Variants in LOC400499 observed in about 807,000 individuals in gnomAD.
At chr16:11,472,178 C>G in the LOC400499 span, 1 of 188,382 alleles carries the variant, frequency 5.3e-6, no homozygotes, top group Admixed American at 6.2e-5. Context: ...AGCTGAGAAC[C>G]CCTGGTAGAC....
At chr16:11,515,482 C>A in the LOC400499 span, among the ~76,000 whole-genome samples, 1 of 144,494 alleles carries the variant, frequency 6.9e-6, no homozygotes, top group Non-Finnish European at 1.5e-5. Context: ...TACGTACGTA[C>A]ATACATACAT....
the LOC400499 span, among the ~76,000 whole-genome samples, chr16:11,454,438 C>A: frequency 3.3e-5 from 5 of 152,288 alleles, no homozygotes; most frequent in South Asian, 4.2e-4. Flanking sequence ...ATGCCCTTAA[C>A]CCAATAGAAC....
the LOC400499 span, chr16:11,439,516 G>A: frequency 1.0e-4 from 41 of 399,000 alleles, no homozygotes; most frequent in Non-Finnish European, 1.6e-4. Flanking sequence ...ATGTTGGTCC[G>A]TGAGGATGCC....
the LOC400499 span, among the ~76,000 whole-genome samples, chr16:11,434,251 G>A: frequency 6.6e-6 from 1 of 152,138 alleles, no homozygotes; most frequent in Non-Finnish European, 1.5e-5. Context: ...TGTATAAAGG[G>A]TGGCTCATGC....
At chr16:11,378,705 G>A in the LOC400499 span, among the ~76,000 whole-genome samples, 1 of 152,154 alleles carries the variant, frequency 6.6e-6, no homozygotes, top group East Asian at 1.9e-4. Flanking sequence ...CACTGGTTTT[G>A]TAGTATGTTG....
chr16:11,510,073 G>A, the LOC400499 span, among the ~76,000 whole-genome samples: 1 of 151,398 alleles, frequency 6.6e-6, no homozygotes, highest in Admixed American at 6.6e-5. Context: ...TAATAAAGAT[G>A]GGTGATGGCA....
the LOC400499 span, among the ~76,000 whole-genome samples, chr16:11,485,820 T>C: frequency 6.6e-6 from 1 of 152,130 alleles, no homozygotes; most frequent in Non-Finnish European, 1.5e-5. Context: ...AGTGGATGGA[T>C]GGATAATAGA....
chr16:11,446,201 T>C, the LOC400499 span, among the ~76,000 whole-genome samples: 75 of 152,210 alleles, frequency 4.9e-4, no homozygotes, highest in East Asian at 0.014. Flanking sequence ...CAGGCTGGAA[T>C]GCAATGGTGC....
At chr16:11,390,125 G>A in the LOC400499 span, 76 of 1,232,226 alleles carry the variant, frequency 6.2e-5, no homozygotes, top group Non-Finnish European at 7.3e-5. Flanking sequence ...GGCTGTACAG[G>A]TCCAGCAGTG....
At chr16:11,403,089 C>T in the LOC400499 span, among the ~76,000 whole-genome samples, 1 of 152,194 alleles carries the variant, frequency 6.6e-6, no homozygotes, top group African/African-American at 2.4e-5. Flanking sequence ...TCCGACATCA[C>T]TTGACCCCAT....
the LOC400499 span, chr16:11,462,016 T>C: frequency 9.3e-7 from 1 of 1,076,974 alleles, no homozygotes. Context: ...ATGTTGATAT[T>C]AAGAGAAGCT....
the LOC400499 span, chr16:11,392,644 A>G: frequency 1.7e-6 from 1 of 599,646 alleles, no homozygotes; most frequent in East Asian, 3.4e-5. Flanking sequence ...CACCACCTAG[A>G]GCAACCACCT....
chr16:11,416,926 C>G, the LOC400499 span, among the ~76,000 whole-genome samples: 1 of 151,974 alleles, frequency 6.6e-6, no homozygotes, highest in Non-Finnish European at 1.5e-5. Context: ...CTCGCAGGCC[C>G]CTCTAAGAGC....
the LOC400499 span, among the ~76,000 whole-genome samples, chr16:11,407,970 G>T: frequency 0.011 from 675 of 63,440 alleles, 17 homozygotes; most frequent in African/African-American, 0.036. Context: ...TTCCAGAGCT[G>T]TTTTTTTTTT....
the LOC400499 span, among the ~76,000 whole-genome samples, chr16:11,430,783 A>G: frequency 6.6e-6 from 1 of 152,222 alleles, no homozygotes; most frequent in Non-Finnish European, 1.5e-5. Flanking sequence ...AATGTCCATT[A>G]GCGTGTTAAA....
the LOC400499 span, among the ~76,000 whole-genome samples, chr16:11,490,657 C>G: frequency 6.6e-6 from 1 of 152,144 alleles, no homozygotes. Context: ...GCCAAGATCA[C>G]ACCACTGCAC....
the LOC400499 span, chr16:11,414,441 G>C: frequency 1.2e-5 from 5 of 400,208 alleles, no homozygotes; most frequent in East Asian, 1.8e-4. Context: ...GAGCCACCAG[G>C]GCTGCCAGGT....
the LOC400499 span, among the ~76,000 whole-genome samples, chr16:11,504,132 G>A: frequency 4.6e-5 from 7 of 152,180 alleles, no homozygotes; most frequent in Middle Eastern, 3.2e-3. Flanking sequence ...ATCCAGGCAC[G>A]ACAGGAGGGA....
chr16:11,477,037 C>T, the LOC400499 span: 1 of 400,534 alleles, frequency 2.5e-6, no homozygotes, highest in Non-Finnish European at 4.4e-6. Context: ...CAGTCCTGAG[C>T]CACAGCAGCC....
Sources: allele counts gnomAD v4.1 joint callset (sites outside exome capture counted in the v4.1 genomes callset), GRCh38; gene constraint gnomAD v4.1.1; transcripts MANE v1.5.